Variants in COPG2 observed in about 807,000 individuals in gnomAD.
COPG2 encodes the protein coat protein complex I subunit gamma 2.
COPG2 carries 37 observed loss-of-function variants against 46.3 expected under a neutral mutation model. The ratio of observed to expected loss-of-function variants is 0.80; its 90% CI spans 0.61 to 1.05. The LOEUF is 1.05. Among genes scored for constraint, COPG2 ranks in the 50% least tolerant of loss-of-function variants. The probability of loss-of-function intolerance (pLI) is 0.00; values close to 1 mark genes in which losing one functional copy is unlikely to be tolerated. For synonymous variants in COPG2, 159 were observed against 129.7 expected (o/e 1.23, Z -1.53); for missense variants, 427 against 387.8 (o/e 1.10, Z -0.85).
At chr7:130,544,867 G>T (rs1174092277) in intron 20 of COPG2, among the ~76,000 whole-genome samples, 2 of 152,122 alleles carry the variant, frequency 1.3e-5, no homozygotes, top group East Asian at 3.9e-4. Context: ...AGTCTTTCAA[G>T]AAATTGCCCA....
chr7:130,624,294 A>G (rs1299120452), intron 5 of COPG2, among the ~76,000 whole-genome samples: 1 of 151,998 alleles, frequency 6.6e-6, no homozygotes, highest in Non-Finnish European at 1.5e-5. Context: ...ATTTTTTCTA[A>G]GTTTTGTACA....
At chr7:130,608,114 G>T in intron 9 of COPG2, 1 of 372,178 alleles carries the variant, frequency 2.7e-6, no homozygotes, top group Non-Finnish European at 5.2e-6. Flanking sequence ...AGATCTATAT[G>T]TTTTACAAAG....
chr7:130,540,068 T>G (rs1799921619), intron 20 of COPG2, among the ~76,000 whole-genome samples: 1 of 151,242 alleles, frequency 6.6e-6, no homozygotes, highest in Non-Finnish European at 1.5e-5. Context: ...TGGGATGGGA[T>G]TTGGGTTGGG....
intron 4 of COPG2, among the ~76,000 whole-genome samples, chr7:130,660,336 T>C (rs2116259352): frequency 6.6e-6 from 1 of 152,314 alleles, no homozygotes; most frequent in South Asian, 2.1e-4. Flanking sequence ...AGCGCCATTA[T>C]ATTCTCTGAC....
At chr7:130,562,367 AT>A (rs1487291963) in intron 11 of COPG2, among the ~76,000 whole-genome samples, 3 of 152,208 alleles carry the variant, frequency 2.0e-5, no homozygotes, top group Non-Finnish European at 4.4e-5. Flanking sequence ...TCCAAAAAAA[AT>A]AAATAAATAA....
intron 5 of COPG2, among the ~76,000 whole-genome samples, chr7:130,631,490 C>T (rs1795230940): frequency 6.6e-6 from 1 of 152,084 alleles, no homozygotes; most frequent in Admixed American, 6.5e-5. Context: ...TCCTCCCCAA[C>T]CTTCTTTTGG....
chr7:130,654,635 C>T (rs1795812023), intron 4 of COPG2, among the ~76,000 whole-genome samples: 1 of 152,064 alleles, frequency 6.6e-6, no homozygotes. Context: ...TCGAATTTCC[C>T]ATGAGTAGGG....
chr7:130,667,782 T>C (rs1301440784), intron 1 of COPG2, among the ~76,000 whole-genome samples: 1 of 152,226 alleles, frequency 6.6e-6, no homozygotes, highest in Non-Finnish European at 1.5e-5. Context: ...TTCCCTGCCC[T>C]CTTTTTCCAT....
chr7:130,547,962 T>A, intron 19 of COPG2, 117 bp from the exon 20 acceptor site: 2 of 397,556 alleles, frequency 5.0e-6, no homozygotes, highest in Non-Finnish European at 8.9e-6. Flanking sequence ...GCAGGGTAGG[T>A]CTCCTCCTAA....
At chr7:130,631,167 CTTTTCT>C (rs1414968610) in intron 5 of COPG2, among the ~76,000 whole-genome samples, 5 of 118,990 alleles carry the variant, frequency 4.2e-5, no homozygotes, top group Non-Finnish European at 8.3e-5. Context: ...TTTTCTTTTT[CTTTTCT>C]TTTTTTTTTT....
At chr7:130,639,073 G>C (rs138216172) in intron 5 of COPG2, among the ~76,000 whole-genome samples, 264 of 152,220 alleles carry the variant, frequency 1.7e-3, no homozygotes, top group Non-Finnish European at 3.2e-3. Flanking sequence ...TGTCTAACCA[G>C]TCCCAGTGAG....
intron 20 of COPG2, among the ~76,000 whole-genome samples, chr7:130,536,240 G>C (rs1389622766): frequency 6.6e-6 from 1 of 152,082 alleles, no homozygotes; most frequent in East Asian, 1.9e-4. Flanking sequence ...CTGTTGGGCA[G>C]GGGGAGGGAA....
chr7:130,555,169 T>G (rs1793601803), intron 12 of COPG2, 37 bp from the exon 13 acceptor site: 3 of 397,704 alleles, frequency 7.5e-6, no homozygotes, highest in African/African-American at 4.1e-5. Flanking sequence ...TTTTTATGAC[T>G]GTACAACTAC....
chr7:130,632,906 C>T (rs981303758), intron 5 of COPG2, among the ~76,000 whole-genome samples: 6 of 152,108 alleles, frequency 3.9e-5, no homozygotes, highest in African/African-American at 1.2e-4. Context: ...CCCCCCACCC[C>T]GAGACAGGCC....
At chr7:130,601,061 G>A (rs1361535683) in intron 9 of COPG2, among the ~76,000 whole-genome samples, 1 of 152,082 alleles carries the variant, frequency 6.6e-6, no homozygotes, top group Non-Finnish European at 1.5e-5. Context: ...ATTCAGGCAG[G>A]AAAAAAGCTC....
At chr7:130,645,300 G>A (rs562208771) in intron 5 of COPG2, 72 of 608,666 alleles carry the variant, frequency 1.2e-4, no homozygotes, top group South Asian at 5.5e-4. Flanking sequence ...CCTTCACGAC[G>A]CAATGGGAGT....
At chr7:130,624,787 C>T (rs1554454057) in intron 5 of COPG2, among the ~76,000 whole-genome samples, 2 of 152,140 alleles carry the variant, frequency 1.3e-5, no homozygotes, top group African/African-American at 4.8e-5. Flanking sequence ...TATATACATA[C>T]TACATTTTCT....
In COPG2 at chr7:130,661,898, G is replaced by T. The variant is rs6966308; in HGVS notation, c.243+1069C>A. 9.8e-3 allele frequency among the ~76,000 whole-genome samples: 1,496 copies of T among 152,280 alleles called. 24 individuals are homozygous for T. The highest frequency in any genetic ancestry group is 0.034 in the African/African-American group (1,418 of 41,556). On this transcript the variant is annotated intron_variant, in intron 4 of 23. Coordinates refer to ENST00000425248, the MANE Select transcript of COPG2 (RefSeq NM_012133.6). ...GCCTTCATAGAAAGCCTTATATCAT[G>T]TGGCTACAGGGCTGAGACTTCTACA...
chr7:130,525,740 G>T (rs1449122888), intron 20 of COPG2, among the ~76,000 whole-genome samples: 2 of 152,322 alleles, frequency 1.3e-5, no homozygotes, highest in African/African-American at 2.4e-5. Context: ...GTTTAGATCA[G>T]TATCAGCTGG....
Sources: allele counts gnomAD v4.1 joint callset (sites outside exome capture counted in the v4.1 genomes callset), GRCh38; gene constraint gnomAD v4.1.1; transcripts MANE v1.5; gene names NCBI Gene and HGNC (gene_info 2026-07-23, HGNC 2026-07-21).